Variants in ITPR2 observed in about 807,000 individuals in gnomAD.
ITPR2 encodes inositol 1,4,5-trisphosphate receptor type 2.
ITPR2 carries 207 observed loss-of-function variants against 317.1 expected under a neutral mutation model. The ratio of observed to expected loss-of-function variants is 0.65; its 90% CI spans 0.58 to 0.73. The LOEUF is 0.73. Among genes scored for constraint, ITPR2 ranks in the 30% least tolerant of loss-of-function variants. ITPR2 has a pLI of 0.00. For synonymous variants in ITPR2, 1,156 were observed against 1,149.1 expected (o/e 1.01, Z -0.12); for missense variants, 2,613 against 3,284.0 (o/e 0.80, Z 4.99).
chr12:26,661,522 T>G (rs1947503586), intron 15 of ITPR2, among the ~76,000 whole-genome samples: 1 of 152,032 alleles, frequency 6.6e-6, no homozygotes, highest in Non-Finnish European at 1.5e-5. Context: ...AGCACAGGGC[T>G]ATAGAAAAGG....
At chr12:26,556,436 G>T in intron 35 of ITPR2, 61 bp from the exon 36 acceptor site, 1 of 1,518,942 alleles carries the variant, frequency 6.6e-7, no homozygotes. Context: ...ATCTTTCGAA[G>T]ATAAGACAAG....
At chr12:26,372,594 T>G (rs544939299) in intron 55 of ITPR2, among the ~76,000 whole-genome samples, 28 of 152,302 alleles carry the variant, frequency 1.8e-4, no homozygotes, top group African/African-American at 6.7e-4. Flanking sequence ...CCATTAACGC[T>G]CTTTCTACAA....
At chr12:26,814,370 A>G (rs1368231108) in intron 1 of ITPR2, among the ~76,000 whole-genome samples, 1 of 152,234 alleles carries the variant, frequency 6.6e-6, no homozygotes, top group East Asian at 1.9e-4. Flanking sequence ...ACTAAGTGTA[A>G]TAAACTTAGA....
chr12:26,458,182 C>A (rs1941935136), intron 45 of ITPR2, among the ~76,000 whole-genome samples: 1 of 152,122 alleles, frequency 6.6e-6, no homozygotes, highest in Non-Finnish European at 1.5e-5. Context: ...GCTGTCCAGG[C>A]ACAAAATGAA....
chr12:26,524,548 T>C (rs148196701), intron 37 of ITPR2, among the ~76,000 whole-genome samples: 2 of 152,216 alleles, frequency 1.3e-5, no homozygotes, highest in African/African-American at 2.4e-5. Context: ...AAATTGATAA[T>C]GAAATACAAT....
intron 2 of ITPR2, among the ~76,000 whole-genome samples, chr12:26,774,295 C>T (rs1289269604): frequency 6.6e-6 from 1 of 151,978 alleles, no homozygotes; most frequent in Non-Finnish European, 1.5e-5. Context: ...AGTGGTAAGA[C>T]ACTGAAAAAG....
intron 21 of ITPR2, among the ~76,000 whole-genome samples, chr12:26,633,479 G>A (rs1483335038): frequency 1.3e-5 from 2 of 152,234 alleles, no homozygotes; most frequent in Non-Finnish European, 2.9e-5. Context: ...GAAGGTCTGA[G>A]ACCTTTTATT....
At position 26,486,268 on chromosome 12, in the gene ITPR2, T is replaced by G. The variant is rs543352922; in HGVS notation, c.5647A>C (p.Arg1883=). 1 of 1,614,166 alleles carries G rather than the reference T, an allele frequency of 6.2e-7. No individual in the cohort carries two copies. Among genetic ancestry groups the G allele is most frequent in the East Asian group, 2.2e-5 (1 of 44,882 alleles). The stretch of plus-strand genomic sequence containing the variant: ...ATGTCTATTTCTGGATCCATTTCTC[T>G]TCTGTATACACAATATGCTTTGGAT... The part of the protein sequence containing the change: ...ATSKAYCVYR[R]EMDPEIDIMC... The change falls in exon 41 of 57, where the codon AGA becomes CGA. Residue 1883 remains arginine, a synonymous_variant. Transcript: ENST00000381340.
chr12:26,550,428 T>A lies in ITPR2; in HGVS notation c.4965-73A>T, dbSNP rs924793699. On this transcript the variant is annotated intron_variant, in intron 36 of 56. Coordinates refer to ENST00000381340, the MANE Select transcript of ITPR2 (RefSeq NM_002223.4). ...AGCTATATACAAACATCAAAGGCCA[T>A]AGGGGAAAAAATTTACACAATTATT... 3 of 686,802 alleles carry A rather than the reference T, an allele frequency of 4.4e-6. No homozygotes were observed. The South Asian group carries it at 5.1e-5, about 12-fold the overall frequency. 42.5% of individuals were successfully genotyped at this position (686,802 alleles called of 1,614,324 possible). A position where few individuals can be genotyped will look rare whatever the true frequency, so the allele number is the denominator to read the frequency against.
intron 55 of ITPR2, among the ~76,000 whole-genome samples, chr12:26,342,384 A>C (rs1038475590): frequency 6.6e-5 from 10 of 151,846 alleles, no homozygotes; most frequent in Non-Finnish European, 1.5e-4. Context: ...CAAATGAAGA[A>C]AGTGAGGTGC....
chr12:26,605,995 A>T (rs1946120625), intron 26 of ITPR2, among the ~76,000 whole-genome samples: 1 of 152,226 alleles, frequency 6.6e-6, no homozygotes, highest in Non-Finnish European at 1.5e-5. Context: ...AGGTGCTCCA[A>T]AAGTTTTCCT....
rs185467900 is a variant in ITPR2, at chr12:26,578,868, C to T, written c.4510-35G>A. The T allele has an allele frequency of 7.3e-5, 116 of 1,578,870 alleles. No individual in the cohort carries two copies. The Middle Eastern group carries it at 1.9e-3, about 25-fold the overall frequency. ...GAAAGAAGGTAGGCAAAAAGAGATG[C>T]TAAACCATTAACAGCCCTGATGTAG... On this transcript the variant is annotated intron_variant, in intron 33 of 56. Coordinates refer to ENST00000381340, the MANE Select transcript of ITPR2 (RefSeq NM_002223.4).
intron 1 of ITPR2, among the ~76,000 whole-genome samples, chr12:26,828,929 GT>G (rs1951052566): frequency 6.6e-6 from 1 of 152,220 alleles, no homozygotes; most frequent in African/African-American, 2.4e-5. Context: ...GAGCCACATA[GT>G]TTTGTTGAGA....
intron 2 of ITPR2, among the ~76,000 whole-genome samples, chr12:26,767,383 C>A (rs1472131962): frequency 6.6e-6 from 1 of 152,194 alleles, no homozygotes; most frequent in Non-Finnish European, 1.5e-5. Context: ...GCAGGAAGCT[C>A]TTTCAATATG....
intron 21 of ITPR2, among the ~76,000 whole-genome samples, chr12:26,650,855 T>G (rs1280633675): frequency 6.6e-6 from 1 of 152,248 alleles, no homozygotes; most frequent in Non-Finnish European, 1.5e-5. Context: ...TGCATGTCCC[T>G]GCTCTTTGAT....
chr12:26,443,467 T>A lies in ITPR2; in HGVS notation c.6450+76A>T, dbSNP rs983003797. On this transcript the variant is annotated intron_variant, in intron 46 of 56. Coordinates refer to ENST00000381340, the MANE Select transcript of ITPR2 (RefSeq NM_002223.4). ...TCTGCATCATTGCTCTAGAAAAAAA[T>A]ATGAAAATGGTCTAAAATAGGAAGT... The A allele has an allele frequency of 3.8e-5, 45 of 1,172,378 alleles. No homozygotes were observed. In the African/African-American group the frequency reaches 4.9e-4, roughly 13 times the overall value. 72.6% of individuals were successfully genotyped at this position (1,172,378 alleles called of 1,614,324 possible).
At chr12:26,343,655 G>T (rs1938210568) in intron 55 of ITPR2, among the ~76,000 whole-genome samples, 1 of 152,240 alleles carries the variant, frequency 6.6e-6, no homozygotes, top group South Asian at 2.1e-4. Context: ...CAGTAGTTGG[G>T]GTAGATGAGG....
chr12:26,339,877 T>C (rs1045841910), intron 56 of ITPR2, among the ~76,000 whole-genome samples: 2 of 152,218 alleles, frequency 1.3e-5, no homozygotes, highest in Non-Finnish European at 2.9e-5. Context: ...GTAATTACTA[T>C]CATGGCAGAA....
At position 26,621,156 on chromosome 12, in the gene ITPR2, T is replaced by C; in HGVS notation, c.3429A>G (p.Glu1143=). Residue 1143 remains glutamate (E), a synonymous_variant, in exon 26 of 57, where the codon GAA becomes GAG. Coordinates refer to ENST00000381340, the MANE Select transcript of ITPR2 (RefSeq NM_002223.4). ...SSNYENGEIG[E]SQVKGGEEPI... Reference sequence around the variant, plus strand: ...GCTCTTCACCACCTTTCACTTGACTTTCCCCTATTTCTCCATTCTCATAGT... The same window carrying C: ...GCTCTTCACCACCTTTCACTTGACTCTCCCCTATTTCTCCATTCTCATAGT... 6.2e-7 allele frequency: 1 copy of C among 1,613,644 alleles called. No individual in the cohort carries two copies. Among genetic ancestry groups the C allele is most frequent in the South Asian group, 1.1e-5 (1 of 90,998 alleles).
Sources: allele counts gnomAD v4.1 joint callset (sites outside exome capture counted in the v4.1 genomes callset), GRCh38; gene constraint gnomAD v4.1.1; transcripts MANE v1.5; gene names NCBI Gene and HGNC (gene_info 2026-07-23, HGNC 2026-07-21).